Variants in PCDH15 observed in about 807,000 individuals in gnomAD.
PCDH15 encodes the protein protocadherin related 15, also known as protocadherin-15.
A neutral mutation model predicts 178.5 loss-of-function variants in PCDH15; 129 were observed. That is an observed-to-expected ratio of 0.72 (90% CI 0.63 to 0.84). The LOEUF (loss-of-function observed/expected upper bound fraction) is 0.84. PCDH15 is among the 40% of genes least tolerant of loss of function. The pLI is 0.00. For missense variants in PCDH15, 2,230 were observed against 2,099.9 expected (o/e 1.06, Z -1.21); for synonymous variants, 800 against 732.0 (o/e 1.09, Z -1.50).
chr10:54,969,298 T>C lies in PCDH15; in HGVS notation c.-79-71798A>G, dbSNP rs140683903. ...TATGGCTTTTTTTATTTATAAGCTG[T>C]GTTAAGAGCAGAACTCAGTAGCAGG... On this transcript the variant is annotated intron_variant, in intron 2 of 5. Transcript: ENST00000458638. 1.5e-4 allele frequency among the ~76,000 whole-genome samples: 23 copies of C among 152,300 alleles called. No individual in the cohort carries two copies. In the East Asian group the frequency reaches 3.7e-3, roughly 24 times the overall value.
chr10:53,859,636 A>C (rs563128566), intron 27 of PCDH15, among the ~76,000 whole-genome samples: 17 of 152,204 alleles, frequency 1.1e-4, no homozygotes, highest in Middle Eastern at 6.8e-3. Context: ...AACTGTCTTC[A>C]AATTATCTGA....
At chr10:54,284,603 ATAAG>A (rs2058920298) in intron 8 of PCDH15, among the ~76,000 whole-genome samples, 1 of 152,172 alleles carries the variant, frequency 6.6e-6, no homozygotes, top group South Asian at 2.1e-4. Flanking sequence ...TTTTCACAGA[ATAAG>A]TAATACTGTG....
chr10:54,028,644 T>C (rs1178868589), intron 18 of PCDH15, among the ~76,000 whole-genome samples: 2 of 148,708 alleles, frequency 1.3e-5, no homozygotes, highest in Non-Finnish European at 3.0e-5. Flanking sequence ...TGTAGGGACA[T>C]GGATGAAATT....
intron 2 of PCDH15, among the ~76,000 whole-genome samples, chr10:54,540,175 G>A (rs1472599515): frequency 1.3e-5 from 2 of 151,910 alleles, no homozygotes; most frequent in Non-Finnish European, 2.9e-5. Context: ...ATAAAATTGA[G>A]GCATAAAAAT....
chr10:54,229,332 A>C (rs974435166), intron 9 of PCDH15, among the ~76,000 whole-genome samples: 3 of 152,218 alleles, frequency 2.0e-5, no homozygotes, highest in East Asian at 1.9e-4. Context: ...TTGAAAATTT[A>C]ATGACTGATA....
chr10:53,872,880 TAC>T (rs2079971198), intron 26 of PCDH15, among the ~76,000 whole-genome samples: 1 of 152,166 alleles, frequency 6.6e-6, no homozygotes, highest in Non-Finnish European at 1.5e-5. Context: ...CCTATATCTG[TAC>T]TTACTTTGAC....
At chr10:54,973,257 G>T (rs1838982300) in intron 2 of PCDH15, among the ~76,000 whole-genome samples, 1 of 152,166 alleles carries the variant, frequency 6.6e-6, no homozygotes, top group African/African-American at 2.4e-5. Context: ...GCTGTGTGCA[G>T]ATCAAGTGTA....
intron 1 of PCDH15, among the ~76,000 whole-genome samples, chr10:55,185,176 G>T (rs889505815): frequency 6.6e-6 from 1 of 151,828 alleles, no homozygotes; most frequent in Admixed American, 6.6e-5. Context: ...AATAGAAACT[G>T]TTTTGTAAAC....
chr10:54,667,249 T>A (rs2094586353), intron 1 of PCDH15, among the ~76,000 whole-genome samples: 1 of 152,026 alleles, frequency 6.6e-6, no homozygotes, highest in Non-Finnish European at 1.5e-5. Flanking sequence ...ATGGGCTCAA[T>A]ATTTACAGAG....
intron 2 of PCDH15, among the ~76,000 whole-genome samples, chr10:55,545,995 G>C (rs1043748654): frequency 9.9e-5 from 15 of 152,012 alleles, no homozygotes; most frequent in African/African-American, 3.6e-4. Context: ...TGCCTATAAA[G>C]AGAAAAGTCA....
intron 5 of PCDH15, among the ~76,000 whole-genome samples, chr10:54,351,362 G>A (rs1487359503): frequency 1.3e-5 from 2 of 152,056 alleles, no homozygotes; most frequent in Non-Finnish European, 2.9e-5. Flanking sequence ...GTAGTGAACT[G>A]AAATAAATTT....
intron 2 of PCDH15, among the ~76,000 whole-genome samples, chr10:55,466,663 C>T (rs1237830993): frequency 1.3e-5 from 2 of 152,048 alleles, no homozygotes; most frequent in Admixed American, 6.5e-5. Flanking sequence ...AAACGTCTGG[C>T]ATCGAAACGC....
At position 54,855,301 on chromosome 10, in the gene PCDH15, A is replaced by G. The variant is rs1953718389; in HGVS notation, c.-29+42149T>C. Among the ~76,000 whole-genome samples, 3 of 152,272 alleles carry G rather than the reference A, an allele frequency of 2.0e-5. No homozygotes were observed. In the South Asian group the frequency reaches 6.2e-4, roughly 32 times the overall value. ...GATGTGGGTATCTGCAGCTGCATCC[A>G]GGAGGATGGGACTCCTGCTTGCTCT... On this transcript the variant is annotated intron_variant, in intron 3 of 5. Transcript: ENST00000458638.
chr10:53,931,198 G>A (rs1208211443), intron 25 of PCDH15, among the ~76,000 whole-genome samples: 1 of 152,156 alleles, frequency 6.6e-6, no homozygotes, highest in South Asian at 2.1e-4. Flanking sequence ...ACATTCCCAT[G>A]ATTAAAACAG....
At chr10:55,091,824 T>C (rs1347007199) in intron 2 of PCDH15, among the ~76,000 whole-genome samples, 8 of 151,882 alleles carry the variant, frequency 5.3e-5, no homozygotes. Flanking sequence ...TCCTGTAATT[T>C]TGATACAAAT....
At chr10:54,544,253 G>GATTTAT (rs201602227) in intron 2 of PCDH15, among the ~76,000 whole-genome samples, 2,632 of 152,206 alleles carry the variant, frequency 0.017, 70 homozygotes, top group African/African-American at 0.061. Context: ...AATGAGCTAG[G>GATTTAT]ATAACAGTTT....
chr10:55,549,685 T>G (rs957829004), intron 2 of PCDH15, among the ~76,000 whole-genome samples: 1 of 152,188 alleles, frequency 6.6e-6, no homozygotes, highest in Non-Finnish European at 1.5e-5. Context: ...TCAATGTTTC[T>G]CCTAATGACT....
intron 3 of PCDH15, among the ~76,000 whole-genome samples, chr10:54,878,480 T>A (rs1299102840): frequency 6.6e-6 from 1 of 152,116 alleles, no homozygotes; most frequent in African/African-American, 2.4e-5. Flanking sequence ...CTATTTACCC[T>A]AGAAGCCTCA....
chr10:55,073,655 C>A (rs1278867910), intron 2 of PCDH15, among the ~76,000 whole-genome samples: 2 of 152,122 alleles, frequency 1.3e-5, no homozygotes, highest in East Asian at 3.9e-4. Flanking sequence ...GTAATTCCAG[C>A]CTCATAAAAT....
Sources: allele counts gnomAD v4.1 joint callset (sites outside exome capture counted in the v4.1 genomes callset), GRCh38; gene constraint gnomAD v4.1.1; transcripts MANE v1.5; gene names NCBI Gene and HGNC (gene_info 2026-07-23, HGNC 2026-07-21).